GTF2A1L: variants seen among roughly 807,000 people sequenced by gnomAD.
The protein encoded by GTF2A1L is TFIIA-alpha and beta-like factor.
GTF2A1L carries 48 observed loss-of-function variants against 49.7 expected under a neutral mutation model. The ratio of observed to expected loss-of-function variants is 0.97; its 90% CI spans 0.77 to 1.23. The LOEUF is 1.23. Among genes scored for constraint, GTF2A1L ranks in the 50% most tolerant of loss-of-function variants. The pLI, the probability that GTF2A1L is intolerant of heterozygous loss-of-function variation, is 0.00. For synonymous variants in GTF2A1L, 246 were observed against 193.5 expected (o/e 1.27, Z -2.25); for missense variants, 736 against 564.8 (o/e 1.30, Z -3.07).
chr2:48,619,679 C>G (rs1675867311), intron 1 of GTF2A1L, among the ~76,000 whole-genome samples: 1 of 152,248 alleles, frequency 6.6e-6, no homozygotes, highest in Non-Finnish European at 1.5e-5. Context: ...TTTGCTGTTT[C>G]TTGCCGGTGG....
At chr2:48,657,022 G>A (rs534457251) in intron 6 of GTF2A1L, among the ~76,000 whole-genome samples, 1 of 152,236 alleles carries the variant, frequency 6.6e-6, no homozygotes, top group South Asian at 2.1e-4. Context: ...TTGTTGCTGG[G>A]ATCTTTATTT....
At chr2:48,620,999 T>G (rs1675965167) in intron 2 of GTF2A1L, 47 bp downstream of exon 2, 2 of 1,577,028 alleles carry the variant, frequency 1.3e-6, no homozygotes, top group Admixed American at 3.7e-5. Context: ...GTTGTTTTTT[T>G]CAGCATACAA....
chr2:48,620,501 C>T (rs959632620), intron 1 of GTF2A1L, among the ~76,000 whole-genome samples: 9 of 152,104 alleles, frequency 5.9e-5, no homozygotes, highest in African/African-American at 1.2e-4. Context: ...TTTAACAGGC[C>T]GGGTGTGGTG....
At chr2:48,638,092 C>T (rs972521303) in intron 3 of GTF2A1L, among the ~76,000 whole-genome samples, 2 of 152,098 alleles carry the variant, frequency 1.3e-5, no homozygotes, top group Non-Finnish European at 1.5e-5. Flanking sequence ...TAATAAATAG[C>T]CTACCAACCA....
At position 48,625,220 on chromosome 2, in the gene GTF2A1L, T is replaced by C. The variant is rs115397499; in HGVS notation, c.247+3930T>C. Among the ~76,000 whole-genome samples the C allele has an allele frequency of 1.1e-3, 153 of 144,034 alleles. 11 individuals carry two copies. Among genetic ancestry groups the C allele is most frequent in the African/African-American group, 3.5e-3 (143 of 40,622 alleles). 94.5% of individuals were successfully genotyped at this position (144,034 alleles called of 152,430 possible). ...CTTTCCTCTGTACTCTCACCAACAC[T>C]TGTCGTCTCTTTTCTTTTTGGTAAT... is the stretch of plus-strand genomic sequence containing the variant. On this transcript the variant is annotated intron_variant, in intron 3 of 8. Coordinates refer to ENST00000403751, the MANE Select transcript of GTF2A1L (RefSeq NM_006872.5).
At chr2:48,618,754 A>G (rs13015658) in intron 1 of GTF2A1L, among the ~76,000 whole-genome samples, 2 of 152,294 alleles carry the variant, frequency 1.3e-5, no homozygotes, top group Admixed American at 6.5e-5. Context: ...TGTGAATTCT[A>G]TGAAGGAGTG....
chr2:48,622,943 A>AAT (rs3077610), intron 3 of GTF2A1L, among the ~76,000 whole-genome samples: 148,604 of 152,136 alleles, frequency 0.98, 72,600 homozygotes, highest in East Asian at 1. Context: ...TAAATAACAA[A>AAT]AGTCTTGCAA....
chr2:48,665,596 GTTGT>G (rs1678798133), intron 6 of GTF2A1L, among the ~76,000 whole-genome samples: 1 of 151,984 alleles, frequency 6.6e-6, no homozygotes, highest in Non-Finnish European at 1.5e-5. Context: ...TTATAATTGT[GTTGT>G]TTAATTTTTA....
chr2:48,630,986 A>G (rs1676536140), intron 3 of GTF2A1L, among the ~76,000 whole-genome samples: 1 of 152,130 alleles, frequency 6.6e-6, no homozygotes, highest in Non-Finnish European at 1.5e-5. Flanking sequence ...AGTTGTGGTG[A>G]GTTAACTTTT....
Position 48,621,200 on chromosome 2 carries a change from A to G in GTF2A1L, c.157A>G (p.Thr53Ala), listed in dbSNP as rs1250639506. The G allele has an allele frequency of 6.2e-7, 1 of 1,613,948 alleles. No homozygotes were observed. Among genetic ancestry groups the G allele is most frequent in the African/African-American group, 1.3e-5 (1 of 74,912 alleles). Residue 53 changes from threonine to alanine, a missense_variant, in exon 3 of 9, where the codon ACA becomes GCA. By Grantham distance (58) the Thr-to-Ala change is moderately conservative (BLOSUM62 0). Coordinates refer to ENST00000403751, the MANE Select transcript of GTF2A1L (RefSeq NM_006872.5). ...WETKVLQSKA[T>A]EDFFRNSIQS... Reference sequence around the variant, plus strand: ...AACCAAGGTTTTGCAGTCTAAAGCAACAGAAGACTTCTTCAGAAATAGCAT... The same window carrying G: ...AACCAAGGTTTTGCAGTCTAAAGCAGCAGAAGACTTCTTCAGAAATAGCAT...
chr2:48,647,895 C>T (rs527814834), intron 6 of GTF2A1L, among the ~76,000 whole-genome samples: 1 of 152,126 alleles, frequency 6.6e-6, no homozygotes, highest in East Asian at 1.9e-4. Context: ...GTGGCTAATT[C>T]TATTTACACA....
chr2:48,670,534 G>T (rs922869092), intron 7 of GTF2A1L, among the ~76,000 whole-genome samples: 1 of 152,156 alleles, frequency 6.6e-6, no homozygotes, highest in Non-Finnish European at 1.5e-5. Flanking sequence ...GTTAAAGAAG[G>T]CAGCCTAGGT....
intron 2 of GTF2A1L, 60 bp from the exon 3 acceptor site, chr2:48,621,107 G>A (rs986614892): frequency 1.3e-6 from 2 of 1,545,948 alleles, no homozygotes; most frequent in Admixed American, 2.1e-5. Context: ...GAAAAAAAGA[G>A]AAGTATCATT....
chr2:48,674,277 TTTCTAA>T (rs1679337778), intron 8 of GTF2A1L, among the ~76,000 whole-genome samples: 2 of 152,242 alleles, frequency 1.3e-5, no homozygotes, highest in Admixed American at 6.5e-5. Context: ...ATAATCCGAC[TTTCTAA>T]TTCTAACCAT....
chr2:48,663,410 G>A (rs143498534), intron 6 of GTF2A1L, among the ~76,000 whole-genome samples: 215 of 152,116 alleles, frequency 1.4e-3, no homozygotes, highest in Middle Eastern at 3.4e-3. Context: ...CATTTAAGCC[G>A]GGGCAACAGA....
At chr2:48,620,821 A>G (rs1675949258) in intron 1 of GTF2A1L, 30 bp from the exon 2 acceptor site, 1 of 1,234,150 alleles carries the variant, frequency 8.1e-7, no homozygotes, top group African/African-American at 1.6e-5. Flanking sequence ...AAATAAATAA[A>G]ATGAAACTTT....
chr2:48,629,997 C>G lies in GTF2A1L; in HGVS notation c.247+8707C>G, dbSNP rs147422505. Among the ~76,000 whole-genome samples, 1,190 of 144,164 alleles carry G rather than the reference C, an allele frequency of 8.3e-3. 88 individuals are homozygous for G. Among genetic ancestry groups the G allele is most frequent in the African/African-American group, 0.028 (1,132 of 40,618 alleles). 94.6% of individuals were successfully genotyped at this position (144,164 alleles called of 152,430 possible). On this transcript the variant is annotated intron_variant, in intron 3 of 8. Transcript: ENST00000403751. ...CTATGTTTATGTTTTTGTACTGTTG[C>G]TATGCTGTTTGGTTACTATAGACTT...
chr2:48,657,972 A>C (rs1678273861), intron 6 of GTF2A1L, among the ~76,000 whole-genome samples: 1 of 151,852 alleles, frequency 6.6e-6, no homozygotes, highest in South Asian at 2.1e-4. Context: ...TGCTTGTTGA[A>C]TTGTTTAAGT....
At chr2:48,649,429 C>G (rs1677724094) in intron 6 of GTF2A1L, among the ~76,000 whole-genome samples, 1 of 152,140 alleles carries the variant, frequency 6.6e-6, no homozygotes, top group South Asian at 2.1e-4. Flanking sequence ...TCTTCTACCT[C>G]TTACTCTGCT....
Sources: gnomAD v4.1 joint callset for allele counts (sites outside exome capture counted in the v4.1 genomes callset) on GRCh38, gnomAD v4.1.1 for gene constraint, MANE v1.5 for transcripts, NCBI Gene and HGNC (gene_info 2026-07-23, HGNC 2026-07-21) for gene names.